AMPD1: variants seen among roughly 807,000 people sequenced by gnomAD.
The protein encoded by AMPD1 is adenosine monophosphate deaminase 1, also known as AMP deaminase 1.
AMPD1 carries 74 observed loss-of-function variants against 82.9 expected under a neutral mutation model. That is an observed-to-expected ratio of 0.89 (90% CI 0.74 to 1.08). The LOEUF (loss-of-function observed/expected upper bound fraction) is 1.08. Ranked by LOEUF, AMPD1 falls within the 50% of genes least tolerant of loss-of-function variation. The pLI is 0.00. For synonymous variants in AMPD1, 333 were observed against 320.5 expected (o/e 1.04, Z -0.42); for missense variants, 881 against 924.5 (o/e 0.95, Z 0.61).
chr1:114,682,664 C>T (rs1163776885), intron 5 of AMPD1, among the ~76,000 whole-genome samples: 1 of 151,742 alleles, frequency 6.6e-6, no homozygotes, highest in Non-Finnish European at 1.5e-5. Flanking sequence ...CTGCAAGCTC[C>T]GCCTCCCGGG....
chr1:114,685,802 T>C (rs558762197), intron 4 of AMPD1, among the ~76,000 whole-genome samples: 1 of 152,322 alleles, frequency 6.6e-6, no homozygotes, highest in African/African-American at 2.4e-5. Context: ...CTTTTAGTTA[T>C]TTAGTGTCTA....
intron 1 of AMPD1, 107 bp downstream of exon 1, chr1:114,695,343 C>A: frequency 6.7e-7 from 1 of 1,494,404 alleles, no homozygotes; most frequent in Non-Finnish European, 9.1e-7. Flanking sequence ...CTATCACGAA[C>A]CCTAAATGAA....
At chr1:114,689,272 C>G (rs1485492022) in intron 2 of AMPD1, among the ~76,000 whole-genome samples, 1 of 152,178 alleles carries the variant, frequency 6.6e-6, no homozygotes, top group Non-Finnish European at 1.5e-5. Context: ...CTGTGTTTCT[C>G]TCACACATCA....
At chr1:114,695,306 T>C (rs1350976039) in intron 1 of AMPD1, 144 bp downstream of exon 1, 1 of 1,267,446 alleles carries the variant, frequency 7.9e-7, no homozygotes, top group East Asian at 2.3e-5. Context: ...GAAAATATTT[T>C]GTGTTTTCCT....
intron 10 of AMPD1, among the ~76,000 whole-genome samples, chr1:114,677,060 C>A (rs1256945370): frequency 6.6e-6 from 1 of 151,882 alleles, no homozygotes; most frequent in African/African-American, 2.4e-5. Context: ...AAATGTATAC[C>A]AAACTGTACA....
At position 114,676,151 on chromosome 1, in the gene AMPD1, T is replaced by C; in HGVS notation, c.1389-148A>G. ...GTCCATGCTCCTCATACATTCTTTT[T>C]GGTCCCCTATAGAGAGGGATTCAGT... On this transcript the variant is annotated intron_variant, in intron 10 of 15. Coordinates refer to ENST00000520113, the MANE Select transcript of AMPD1 (RefSeq NM_000036.3). 26 of 1,015,338 alleles carry C rather than the reference T, an allele frequency of 2.6e-5. No individual in the cohort carries two copies. The South Asian group carries it at 3.5e-4, about 14-fold the overall frequency. The allele number at this position is 1,015,338 out of a possible 1,614,324, so 62.9% of individuals were successfully genotyped here.
chr1:114,673,535 G>C, intron 15 of AMPD1, 104 bp downstream of exon 15: 1 of 1,004,942 alleles, frequency 1.0e-6, no homozygotes, highest in Non-Finnish European at 1.6e-6. Context: ...AACTGCATAT[G>C]ATTCGTGGAA....
At chr1:114,684,699 C>T (rs180746408) in intron 4 of AMPD1, among the ~76,000 whole-genome samples, 154 of 152,326 alleles carry the variant, frequency 1.0e-3, no homozygotes, top group Admixed American at 2.0e-3. Flanking sequence ...ATGGTATATA[C>T]TTTCTTCCTT....
chr1:114,678,551 A>G (rs969966808), intron 7 of AMPD1, 24 bp from the exon 8 acceptor site: 1 of 1,597,170 alleles, frequency 6.3e-7, no homozygotes. Context: ...CAAAGAAAGA[A>G]AAAAACATCA....
chr1:114,689,437 A>G (rs1288368710), intron 2 of AMPD1, among the ~76,000 whole-genome samples: 1 of 152,164 alleles, frequency 6.6e-6, no homozygotes, highest in East Asian at 1.9e-4. Flanking sequence ...TTACTTGTAC[A>G]TACCCTAATT....
chr1:114,693,525 G>C (rs1481590659), intron 1 of AMPD1, 78 bp from the exon 2 acceptor site: 1 of 1,298,626 alleles, frequency 7.7e-7, no homozygotes, highest in Middle Eastern at 1.8e-4. Context: ...TCACTGCTTT[G>C]GGGTAGACAC....
intron 5 of AMPD1, among the ~76,000 whole-genome samples, chr1:114,682,226 G>C (rs1205462146): frequency 6.6e-6 from 1 of 151,446 alleles, no homozygotes; most frequent in Non-Finnish European, 1.5e-5. Context: ...ATAGCATAGG[G>C]AAAAAAAACA....
chr1:114,682,671 C>T (rs1295086736), intron 5 of AMPD1, among the ~76,000 whole-genome samples: 3 of 152,052 alleles, frequency 2.0e-5, no homozygotes, highest in Non-Finnish European at 4.4e-5. Context: ...CTCCGCCTCC[C>T]GGGTTCACGC....
intron 2 of AMPD1, 37 bp downstream of exon 2, chr1:114,693,399 C>A (rs776930892): frequency 5.0e-6 from 8 of 1,599,956 alleles, no homozygotes; most frequent in Non-Finnish European, 6.9e-6. Flanking sequence ...TAAATTGATA[C>A]TCTGACAAAT....
At chr1:114,695,395 CAAA>C (rs68036474) in intron 1 of AMPD1, 52 bp downstream of exon 1, 333 of 1,446,186 alleles carry the variant, frequency 2.3e-4, no homozygotes, top group Middle Eastern at 6.2e-4. Context: ...AGTTGCTTGT[CAAA>C]AAAAAAAAAA....
At chr1:114,682,891 A>G (rs967060716) in intron 5 of AMPD1, among the ~76,000 whole-genome samples, 1 of 152,128 alleles carries the variant, frequency 6.6e-6, no homozygotes, top group African/African-American at 2.4e-5. Context: ...AAAATCTTAA[A>G]TATTTGCCTC....
At chr1:114,691,581 A>AG (rs1028265792) in intron 2 of AMPD1, among the ~76,000 whole-genome samples, 55 of 152,190 alleles carry the variant, frequency 3.6e-4, no homozygotes, top group African/African-American at 1.1e-3. Context: ...AACAAATTTC[A>AG]GGGAATGGTG....
chr1:114,683,367 T>C (rs1658217774), intron 5 of AMPD1, among the ~76,000 whole-genome samples: 2 of 152,040 alleles, frequency 1.3e-5, no homozygotes, highest in Admixed American at 6.6e-5. Flanking sequence ...GAACGAGAAA[T>C]ATTTCCAACC....
rs761014026 is a variant in AMPD1, at chr1:114,675,654, T to C, written c.1555A>G (p.Ser519Gly). The C allele has an allele frequency of 1.9e-6, 3 of 1,614,198 alleles. No individual in the cohort carries two copies. The highest frequency in any genetic ancestry group is 2.5e-6 in the Non-Finnish European group (3 of 1,180,024). The change falls in exon 12 of 16, where the codon AGT (serine) becomes GGT (glycine). Residue 519 changes from serine to glycine, a missense_variant. Physicochemically the swap from Ser to Gly is moderately conservative, Grantham distance 56 (BLOSUM62 0). Coordinates refer to ENST00000520113, the MANE Select transcript of AMPD1 (RefSeq NM_000036.3). ...CTCTTGGAGGAGAACATGTGGCCAC[T>C]GTGTTTGGACTCATCATCCACACTG... ...FDSVDDESKH[S>G]GHMFSSKSPK...
Sources: allele counts gnomAD v4.1 joint callset (sites outside exome capture counted in the v4.1 genomes callset), GRCh38; gene constraint gnomAD v4.1.1; transcripts MANE v1.5; gene names NCBI Gene and HGNC (gene_info 2026-07-23, HGNC 2026-07-21).